Variants in UGT1A6 observed in about 807,000 individuals in gnomAD.
UGT1A6 encodes the protein UDP-glucuronosyltransferase 1A6.
In UGT1A6, 32 loss-of-function variants were observed where a neutral mutation model predicts 44.4. The ratio of observed to expected loss-of-function variants is 0.72; its 90% CI spans 0.54 to 0.97. UGT1A6 has a LOEUF of 0.97. Among genes scored for constraint, UGT1A6 ranks in the 50% least tolerant of loss-of-function variants. The probability of loss-of-function intolerance (pLI) is 0.00; values close to 1 mark genes in which losing one functional copy is unlikely to be tolerated. For missense variants in UGT1A6, 685 were observed against 661.9 expected (o/e 1.03, Z -0.38); for synonymous variants, 238 against 248.5 (o/e 0.96, Z 0.40).
chr2:233,718,848 C>A, intron 1 of UGT1A6: 1 of 1,613,708 alleles, frequency 6.2e-7, no homozygotes, highest in Non-Finnish European at 8.5e-7. Flanking sequence ...GGTTCCCCTG[C>A]CGCGGCTGGC....
At chr2:233,704,049 C>A (rs2075765509) in intron 1 of UGT1A6, among the ~76,000 whole-genome samples, 1 of 151,982 alleles carries the variant, frequency 6.6e-6, no homozygotes, top group African/African-American at 2.4e-5. Context: ...CACCAACATG[C>A]CTGGCTAATT....
chr2:233,764,038 A>G (rs1698463579), intron 1 of UGT1A6, among the ~76,000 whole-genome samples: 1 of 152,218 alleles, frequency 6.6e-6, no homozygotes, highest in East Asian at 1.9e-4. Flanking sequence ...CTAAAGAAGA[A>G]TTCTGGGAAA....
rs760289864 is a variant in UGT1A6 at position 233,772,449 on chromosome 2, G to A, written c.1489G>A (p.Val497Ile). 8 of 1,614,068 alleles carry A rather than the reference G, an allele frequency of 5.0e-6. No homozygotes were observed. Among genetic ancestry groups the A allele is most frequent in the Middle Eastern group, 1.6e-4 (1 of 6,084 alleles). Residue 497 changes from valine (V) to isoleucine (I), a missense_variant, in exon 5 of 5, where the codon GTC becomes ATC. Physicochemically the swap from Val to Ile is conservative, Grantham distance 29 (BLOSUM62 3). Transcript: ENST00000305139. ...GGACGTGATTGGTTTCCTCTTGGCCGTCGTGCTGACAGTGGCCTTCATCAC... is the reference window on the plus strand; with the variant it reads ...GGACGTGATTGGTTTCCTCTTGGCCATCGTGCTGACAGTGGCCTTCATCAC... ...SLDVIGFLLA[V>I]VLTVAFITFK...
chr2:233,713,519 T>C, intron 1 of UGT1A6: 1 of 1,613,934 alleles, frequency 6.2e-7, no homozygotes. Context: ...TGAGGAACAT[T>C]CCATGTGATT....
intron 1 of UGT1A6, among the ~76,000 whole-genome samples, chr2:233,698,826 G>C (rs1354236618): frequency 6.6e-6 from 1 of 152,220 alleles, no homozygotes; most frequent in Non-Finnish European, 1.5e-5. Context: ...GGAAGAGTAA[G>C]GCAGGATCAC....
intron 1 of UGT1A6, among the ~76,000 whole-genome samples, chr2:233,724,320 G>A (rs1387925983): frequency 4.7e-5 from 7 of 147,896 alleles, no homozygotes; most frequent in East Asian, 4.4e-4. Context: ...GGACGGGGCG[G>A]CTGGCCAGGC....
At chr2:233,719,075 C>A in intron 1 of UGT1A6, 17 of 1,614,240 alleles carry the variant, frequency 1.1e-5, no homozygotes, top group Non-Finnish European at 1.4e-5. Flanking sequence ...TTCCATGGAC[C>A]CAGAAGGAAT....
intron 1 of UGT1A6, among the ~76,000 whole-genome samples, chr2:233,701,119 T>C (rs1402292168): frequency 2.6e-5 from 4 of 152,206 alleles, no homozygotes; most frequent in African/African-American, 7.2e-5. Context: ...CAGTCTATCA[T>C]TGAGGGACAT....
chr2:233,720,312 A>G (rs1277563393), intron 1 of UGT1A6, among the ~76,000 whole-genome samples: 1 of 152,106 alleles, frequency 6.6e-6, no homozygotes, highest in African/African-American at 2.4e-5. Context: ...CTGGTGTATG[A>G]TGTGGGGACA....
chr2:233,717,045 C>T (rs1187354283), intron 1 of UGT1A6, among the ~76,000 whole-genome samples: 1 of 152,150 alleles, frequency 6.6e-6, no homozygotes, highest in Non-Finnish European at 1.5e-5. Flanking sequence ...ACATGGGCCT[C>T]CGCAGGGTCT....
At chr2:233,719,425 C>T (rs766948934) in intron 1 of UGT1A6, 1 of 1,613,998 alleles carries the variant, frequency 6.2e-7, no homozygotes, top group East Asian at 2.2e-5. Context: ...ACGACCAATT[C>T]AGACCACATG....
At chr2:233,697,250 C>T (rs1170124115) in intron 1 of UGT1A6, among the ~76,000 whole-genome samples, 1 of 152,006 alleles carries the variant, frequency 6.6e-6, no homozygotes, top group African/African-American at 2.4e-5. Flanking sequence ...CTGCTTCAAT[C>T]TTGTTACTTA....
In UGT1A6 at chr2:233,700,548, G is replaced by T. The variant is rs535853869; in HGVS notation, c.861+6683G>T. Among the ~76,000 whole-genome samples the T allele has an allele frequency of 2.0e-5, 3 of 151,944 alleles. No homozygotes were observed. The East Asian group carries it at 5.8e-4, about 29-fold the overall frequency. Reference sequence around the variant, plus strand: ...ATAACTCTAGGAGAATGAGAATAAGGGGTTATAAAAATATAACTTTATTAT... The same window carrying T: ...ATAACTCTAGGAGAATGAGAATAAGTGGTTATAAAAATATAACTTTATTAT... On this transcript the variant is annotated intron_variant, in intron 1 of 4. Coordinates refer to ENST00000305139, the MANE Select transcript of UGT1A6 (RefSeq NM_001072.4).
At chr2:233,770,541 C>T (rs745905860) in intron 4 of UGT1A6, 1 of 151,870 alleles carries the variant, frequency 6.6e-6, no homozygotes, top group Non-Finnish European at 1.5e-5. Flanking sequence ...GCCTGTAATC[C>T]CAGCTATTTG....
intron 1 of UGT1A6, among the ~76,000 whole-genome samples, chr2:233,757,535 AATATATATATATATAT>A (rs67292694): frequency 2.3e-5 from 2 of 88,312 alleles, no homozygotes; most frequent in Non-Finnish European, 4.4e-5. Context: ...GCCTGTAAGG[AATATATATATATATAT>A]ATATATATAT....
intron 1 of UGT1A6, among the ~76,000 whole-genome samples, chr2:233,735,494 C>G (rs1320863859): frequency 6.6e-6 from 1 of 152,164 alleles, no homozygotes; most frequent in East Asian, 1.9e-4. Context: ...TTAATTGCAG[C>G]ATTTAGCCCA....
intron 1 of UGT1A6, among the ~76,000 whole-genome samples, chr2:233,705,632 T>C (rs2075861807): frequency 6.6e-6 from 1 of 152,224 alleles, no homozygotes; most frequent in East Asian, 1.9e-4. Flanking sequence ...TTGACAGTTC[T>C]AGGAAGTTGA....
At chr2:233,729,387 T>G (rs1242626622) in intron 1 of UGT1A6, 1 of 1,613,946 alleles carries the variant, frequency 6.2e-7, no homozygotes, top group Non-Finnish European at 8.5e-7. Context: ...GGACCCAGGA[T>G]GAATTTGATC....
intron 1 of UGT1A6, among the ~76,000 whole-genome samples, chr2:233,694,890 G>A (rs1289653147): frequency 6.6e-6 from 1 of 152,210 alleles, no homozygotes; most frequent in African/African-American, 2.4e-5. Flanking sequence ...GGGGGTTCAT[G>A]TGATATTTTG....
Sources: allele counts gnomAD v4.1 joint callset (sites outside exome capture counted in the v4.1 genomes callset), GRCh38; gene constraint gnomAD v4.1.1; transcripts MANE v1.5; gene names NCBI Gene and HGNC (gene_info 2026-07-23, HGNC 2026-07-21).